Variants in TRAPPC9 observed in about 807,000 individuals in gnomAD.
TRAPPC9 encodes trafficking protein particle complex subunit 9.
In TRAPPC9, 83 loss-of-function variants were observed where a neutral mutation model predicts 124.0. That is an observed-to-expected ratio of 0.67 (90% CI 0.56 to 0.80). TRAPPC9 has a LOEUF of 0.80. TRAPPC9 is among the 30% of genes least tolerant of loss of function. TRAPPC9 has a pLI of 0.00. For missense variants in TRAPPC9, 1,302 were observed against 1,508.3 expected, an observed-to-expected ratio of 0.86 and a Z score of 2.27; for synonymous variants, 638 against 617.5, an observed-to-expected ratio of 1.03 and a Z score of -0.49.
intron 16 of TRAPPC9, among the ~76,000 whole-genome samples, chr8:140,245,360 G>A (rs918445461): frequency 7.2e-5 from 11 of 152,004 alleles, no homozygotes; most frequent in Admixed American, 3.3e-4. Context: ...ATTTTACCAC[G>A]TAAGCATGCA....
At chr8:140,076,738 C>T (rs900718492) in intron 17 of TRAPPC9, among the ~76,000 whole-genome samples, 2 of 152,244 alleles carry the variant, frequency 1.3e-5, no homozygotes, top group Admixed American at 1.3e-4. Flanking sequence ...ACCAAGGCCA[C>T]ATCCAAGCTG....
At chr8:139,999,477 G>A (rs1238661596) in intron 18 of TRAPPC9, among the ~76,000 whole-genome samples, 1 of 151,940 alleles carries the variant, frequency 6.6e-6, no homozygotes, top group Admixed American at 6.6e-5. Context: ...ATCACAATTA[G>A]AGACTTCAAC....
intron 21 of TRAPPC9, among the ~76,000 whole-genome samples, chr8:139,851,421 G>T (rs1380871947): frequency 6.6e-6 from 1 of 152,274 alleles, no homozygotes; most frequent in East Asian, 1.9e-4. Context: ...TCTTGACTCC[G>T]GGAGCTGTAT....
At chr8:140,348,384 C>T (rs777597553) in intron 9 of TRAPPC9, among the ~76,000 whole-genome samples, 3 of 152,150 alleles carry the variant, frequency 2.0e-5, no homozygotes, top group African/African-American at 4.8e-5. Context: ...ACCAAGAAAA[C>T]GCAAATTAGA....
chr8:140,052,334 AAAAT>A (rs1842052859), intron 17 of TRAPPC9, among the ~76,000 whole-genome samples: 2 of 152,226 alleles, frequency 1.3e-5, no homozygotes, highest in Admixed American at 6.5e-5. Context: ...TTTCAGCCAC[AAAAT>A]AAATAATGAT....
At chr8:139,895,520 T>C (rs1046321364) in intron 20 of TRAPPC9, among the ~76,000 whole-genome samples, 12 of 152,332 alleles carry the variant, frequency 7.9e-5, no homozygotes, top group African/African-American at 2.9e-4. Context: ...AATGTCTATT[T>C]TTTAAAACGA....
At chr8:140,077,381 T>A (rs1178376973) in intron 17 of TRAPPC9, among the ~76,000 whole-genome samples, 2 of 152,172 alleles carry the variant, frequency 1.3e-5, no homozygotes, top group East Asian at 3.8e-4. Context: ...TGTAGCTTAG[T>A]GGAAAAGAAT....
intron 18 of TRAPPC9, among the ~76,000 whole-genome samples, chr8:139,996,521 T>A (rs1425986276): frequency 1.3e-5 from 2 of 150,494 alleles, no homozygotes; most frequent in Non-Finnish European, 3.0e-5. Context: ...GATTATCCAA[T>A]GGAAACAACA....
rs1825579485 is a variant in TRAPPC9, at chr8:139,825,738, T to C, written c.3055+60141A>G. ...TGGAGGATACCGCCGAGCAGCCAGC[T>C]TGCCCGGAAGGAAAAAGGGAGGCAA... On this transcript the variant is annotated intron_variant, in intron 21 of 22. Transcript: ENST00000438773. The surrounding 1 kb of genome is among the most constrained non-coding windows in gnomAD (Gnocchi z 4.6). 6.6e-6 allele frequency among the ~76,000 whole-genome samples: 1 copy of C among 151,976 alleles called. No homozygotes were observed.
intron 21 of TRAPPC9, among the ~76,000 whole-genome samples, chr8:139,795,349 G>T (rs1405731769): frequency 6.6e-6 from 1 of 152,150 alleles, no homozygotes; most frequent in Non-Finnish European, 1.5e-5. Context: ...TTCCCCATGG[G>T]CCCTTCGGGA....
At chr8:140,217,536 C>T (rs1007132287) in intron 17 of TRAPPC9, among the ~76,000 whole-genome samples, 2 of 152,128 alleles carry the variant, frequency 1.3e-5, no homozygotes, top group African/African-American at 2.4e-5. Flanking sequence ...TCTATAACCC[C>T]GCATCTGGAC....
intron 17 of TRAPPC9, among the ~76,000 whole-genome samples, chr8:140,042,712 C>A (rs995439695): frequency 1.9e-4 from 29 of 152,252 alleles, no homozygotes; most frequent in Non-Finnish European, 3.5e-4. Context: ...AGAGCCCCCA[C>A]CTAACACATC....
intron 21 of TRAPPC9, among the ~76,000 whole-genome samples, chr8:139,866,382 C>T (rs552700295): frequency 2.0e-5 from 3 of 152,214 alleles, no homozygotes; most frequent in East Asian, 3.9e-4. Context: ...GTTGATGCAC[C>T]CCGTGTGAGA....
intron 11 of TRAPPC9, among the ~76,000 whole-genome samples, chr8:140,296,742 A>G (rs1449390418): frequency 6.6e-6 from 1 of 152,246 alleles, no homozygotes; most frequent in Non-Finnish European, 1.5e-5. Context: ...TGGGCCCCAC[A>G]AATCACATGG....
intron 17 of TRAPPC9, among the ~76,000 whole-genome samples, chr8:140,039,579 G>A (rs931211003): frequency 6.6e-6 from 1 of 152,176 alleles, no homozygotes; most frequent in Non-Finnish European, 1.5e-5. Flanking sequence ...CTGTGTTCTA[G>A]TCATTAAGCC....
chr8:140,299,050 G>T (rs1458233953), intron 11 of TRAPPC9, among the ~76,000 whole-genome samples: 1 of 152,210 alleles, frequency 6.6e-6, no homozygotes, highest in Non-Finnish European at 1.5e-5. Context: ...GGCCTGCAAG[G>T]CGCTGGGATC....
intron 18 of TRAPPC9, among the ~76,000 whole-genome samples, chr8:140,014,283 A>C (rs936289824): frequency 3.9e-5 from 6 of 152,152 alleles, no homozygotes; most frequent in Non-Finnish European, 5.9e-5. Flanking sequence ...GAGGCTCGGC[A>C]CTCAGACAGG....
intron 17 of TRAPPC9, among the ~76,000 whole-genome samples, chr8:140,123,853 G>T (rs940243833): frequency 6.6e-6 from 1 of 152,200 alleles, no homozygotes; most frequent in African/African-American, 2.4e-5. Context: ...TGTGAGGAGT[G>T]CAGGTGAAAT....
At chr8:140,324,836 T>G (rs544693349) in intron 9 of TRAPPC9, among the ~76,000 whole-genome samples, 1 of 152,062 alleles carries the variant, frequency 6.6e-6, no homozygotes, top group Admixed American at 6.5e-5. Flanking sequence ...TAAGGAAGAT[T>G]TAAACAAACT....
Sources: gnomAD v4.1 joint callset for allele counts (sites outside exome capture counted in the v4.1 genomes callset) on GRCh38, gnomAD v4.1.1 for gene constraint, Gnocchi (gnomAD v3.1) non-coding constraint, MANE v1.5 for transcripts, NCBI Gene and HGNC (gene_info 2026-07-23, HGNC 2026-07-21) for gene names.